SYT1: variants seen among roughly 807,000 people sequenced by gnomAD.
SYT1 encodes synaptotagmin-1.
A neutral mutation model predicts 44.8 loss-of-function variants in SYT1; 8 were observed. The observed-to-expected ratio is 0.18, with a 90% CI of 0.10 to 0.32. The LOEUF is 0.32. Ranked by LOEUF, SYT1 falls within the 10% of genes least tolerant of loss-of-function variation. SYT1 has a pLI of 1.00. For missense variants in SYT1, 286 were observed against 509.3 expected, an observed-to-expected ratio of 0.56 and a Z score of 4.22; for synonymous variants, 154 against 188.8, an observed-to-expected ratio of 0.82 and a Z score of 1.51.
intron 3 of SYT1, among the ~76,000 whole-genome samples, chr12:79,051,883 C>T (rs867249790): frequency 1.3e-5 from 2 of 152,022 alleles, no homozygotes; most frequent in Admixed American, 6.6e-5. Flanking sequence ...TTCCATTGGT[C>T]TATATCTTTG....
At chr12:79,118,024 C>A (rs1372822388) in intron 3 of SYT1, among the ~76,000 whole-genome samples, 1 of 151,894 alleles carries the variant, frequency 6.6e-6, no homozygotes. Flanking sequence ...TAGCACAGAG[C>A]CGAGAAAGGA....
intron 1 of SYT1, among the ~76,000 whole-genome samples, chr12:78,896,938 A>G (rs535801297): frequency 7.2e-5 from 11 of 151,910 alleles, no homozygotes; most frequent in African/African-American, 2.6e-4. Context: ...ATAAATGGAA[A>G]CCTATAATTA....
chr12:79,211,803 G>C (rs12184487), intron 3 of SYT1, among the ~76,000 whole-genome samples: 11,317 of 152,050 alleles, frequency 0.074, 524 homozygotes, highest in Non-Finnish European at 0.11. Context: ...GTATTCCATG[G>C]TGTATATGTG....
At chr12:79,033,751 G>T (rs1760727622) in intron 2 of SYT1, among the ~76,000 whole-genome samples, 1 of 151,324 alleles carries the variant, frequency 6.6e-6, no homozygotes, top group African/African-American at 2.4e-5. Flanking sequence ...AGGGCTTTTA[G>T]AATTAAAGAA....
At chr12:79,047,400 G>A (rs1874149995) in intron 3 of SYT1, 38 bp downstream of exon 3, 2 of 151,722 alleles carry the variant, frequency 1.3e-5, no homozygotes, top group African/African-American at 4.8e-5. Context: ...TAATAAATCT[G>A]TAAAATTAGA....
At chr12:79,209,658 C>T (rs1027454208) in intron 3 of SYT1, among the ~76,000 whole-genome samples, 2 of 152,160 alleles carry the variant, frequency 1.3e-5, no homozygotes, top group East Asian at 3.9e-4. Flanking sequence ...TGGCTGTGAG[C>T]AATCAGCAGG....
intron 3 of SYT1, among the ~76,000 whole-genome samples, chr12:79,158,709 G>T (rs539666741): frequency 4.6e-5 from 7 of 151,928 alleles, no homozygotes; most frequent in Non-Finnish European, 8.8e-5. Flanking sequence ...ACCAGCCTGG[G>T]CAACATGGTG....
At chr12:79,299,678 A>G (rs1385676660) in intron 8 of SYT1, 127 bp downstream of exon 8, 10 of 1,199,308 alleles carry the variant, frequency 8.3e-6, no homozygotes, top group Non-Finnish European at 1.1e-5. Context: ...CAGCTGATAA[A>G]ATAGGGTCAA....
intron 9 of SYT1, among the ~76,000 whole-genome samples, chr12:79,437,193 A>AT (rs1194997017): frequency 2.0e-5 from 3 of 152,026 alleles, no homozygotes; most frequent in East Asian, 1.9e-4. Context: ...TGGAGTTTGG[A>AT]TTTTTTTAGT....
At chr12:78,935,396 A>C (rs1877994915) in intron 1 of SYT1, among the ~76,000 whole-genome samples, 1 of 152,158 alleles carries the variant, frequency 6.6e-6, no homozygotes, top group African/African-American at 2.4e-5. Context: ...CAATATAGGC[A>C]TGGTTCATGT....
At chr12:79,227,549 G>C (rs1466583688) in intron 4 of SYT1, among the ~76,000 whole-genome samples, 2 of 152,126 alleles carry the variant, frequency 1.3e-5, no homozygotes, top group Non-Finnish European at 2.9e-5. Context: ...AGGAATAGTT[G>C]TATAATTTAT....
At chr12:78,936,625 T>C (rs1459531445) in intron 1 of SYT1, among the ~76,000 whole-genome samples, 1 of 152,156 alleles carries the variant, frequency 6.6e-6, no homozygotes, top group Non-Finnish European at 1.5e-5. Flanking sequence ...ATATTCTTTA[T>C]TTCTTAGTAT....
At chr12:79,007,101 C>G (rs1313093450) in intron 2 of SYT1, among the ~76,000 whole-genome samples, 1 of 152,140 alleles carries the variant, frequency 6.6e-6, no homozygotes, top group African/African-American at 2.4e-5. Context: ...AAAAGGGCCA[C>G]TCCTGCTGCT....
intron 3 of SYT1, among the ~76,000 whole-genome samples, chr12:79,216,222 C>T (rs1242704836): frequency 2.6e-5 from 4 of 152,156 alleles, no homozygotes; most frequent in South Asian, 2.1e-4. Flanking sequence ...TGGGCCACCA[C>T]GCCCAGACTA....
intron 4 of SYT1, among the ~76,000 whole-genome samples, chr12:79,265,428 T>A (rs1878072025): frequency 6.6e-6 from 1 of 152,186 alleles, no homozygotes. Context: ...TTCACTGATT[T>A]GGAGTAAATA....
Position 79,413,474 on chromosome 12 carries a change from C to T in SYT1, c.929-30599C>T, listed in dbSNP as rs186609674. Among the ~76,000 whole-genome samples, 57 of 152,242 alleles carry T rather than the reference C, an allele frequency of 3.7e-4. No individual in the cohort carries two copies. The East Asian group carries it at 0.011, about 29-fold the overall frequency. On this transcript the variant is annotated intron_variant, in intron 9 of 10. Transcript: ENST00000261205. Reference sequence around the variant, plus strand: ...TAACTGAGCTGAAAACAACTTTGTGCCTTTAAATATCTGATGTTGTGTCAT... The same window carrying T: ...TAACTGAGCTGAAAACAACTTTGTGTCTTTAAATATCTGATGTTGTGTCAT...
intron 1 of SYT1, among the ~76,000 whole-genome samples, chr12:78,915,450 A>C (rs74533375): frequency 0.027 from 4,165 of 152,154 alleles, 132 homozygotes; most frequent in African/African-American, 0.074. Flanking sequence ...AAGACAAGAC[A>C]ATGGGGTCAA....
At chr12:79,274,641 CT>C (rs1380723738) in intron 4 of SYT1, among the ~76,000 whole-genome samples, 5 of 152,116 alleles carry the variant, frequency 3.3e-5, no homozygotes, top group South Asian at 2.1e-4. Context: ...TGGATAGGGA[CT>C]TTTGAGAGTT....
intron 8 of SYT1, among the ~76,000 whole-genome samples, chr12:79,344,003 A>AG (rs988077983): frequency 1.3e-5 from 2 of 152,232 alleles, no homozygotes; most frequent in Admixed American, 1.3e-4. Context: ...TAAAACAGAG[A>AG]GAAAAACTAG....
Sources: allele counts gnomAD v4.1 joint callset (sites outside exome capture counted in the v4.1 genomes callset), GRCh38; gene constraint gnomAD v4.1.1; transcripts MANE v1.5; gene names NCBI Gene and HGNC (gene_info 2026-07-23, HGNC 2026-07-21).